The following HS6ST3 variants were observed in gnomAD, a reference collection of about 807,000 sequenced individuals.
The protein encoded by HS6ST3 is heparan-sulfate 6-O-sulfotransferase 3.
Under a neutral mutation model 36.7 loss-of-function variants are expected in HS6ST3, and 12 were observed. The observed-to-expected ratio is 0.33, with a 90% confidence interval of 0.21 to 0.53. The LOEUF (loss-of-function observed/expected upper bound fraction) is 0.53. HS6ST3 is among the 20% of genes least tolerant of loss of function. The pLI, the probability that HS6ST3 is intolerant of heterozygous loss-of-function variation, is 0.95. For synonymous variants in HS6ST3, 240 were observed against 257.5 expected (o/e 0.93, Z 0.65); for missense variants, 584 against 640.9 (o/e 0.91, Z 0.96).
At chr13:96,134,455 ATTT>A (rs1263111957) in intron 1 of HS6ST3, among the ~76,000 whole-genome samples, 1 of 144,988 alleles carries the variant, frequency 6.9e-6, no homozygotes, top group African/African-American at 2.6e-5. Flanking sequence ...TCTTTTTCTG[ATTT>A]TTATTTTTTA....
intron 1 of HS6ST3, among the ~76,000 whole-genome samples, chr13:96,476,721 T>G (rs1950848000): frequency 6.6e-6 from 1 of 152,122 alleles, no homozygotes; most frequent in Non-Finnish European, 1.5e-5. Flanking sequence ...GTTGCTTACT[T>G]GGATGAGATC....
chr13:96,529,910 G>A (rs1309389407), intron 1 of HS6ST3, among the ~76,000 whole-genome samples: 4 of 152,088 alleles, frequency 2.6e-5, no homozygotes, highest in Admixed American at 2.0e-4. Context: ...CTGGTAATAA[G>A]GCCAAGTGTG....
chr13:96,732,276 A>T (rs1310178101), intron 1 of HS6ST3, among the ~76,000 whole-genome samples: 6 of 151,846 alleles, frequency 4.0e-5, no homozygotes, highest in African/African-American at 1.5e-4. Flanking sequence ...GAGTTGTTTG[A>T]GTTGTTTATG....
At chr13:96,291,487 C>G (rs769299335) in intron 1 of HS6ST3, among the ~76,000 whole-genome samples, 9 of 152,002 alleles carry the variant, frequency 5.9e-5, no homozygotes, top group Non-Finnish European at 1.0e-4. Context: ...AATCCACGTG[C>G]TAGTGTGGAA....
intron 1 of HS6ST3, among the ~76,000 whole-genome samples, chr13:96,561,877 A>G (rs1333177046): frequency 1.3e-5 from 2 of 152,172 alleles, no homozygotes; most frequent in Non-Finnish European, 2.9e-5. Context: ...TCAAAAAATA[A>G]CAGATGCTTA....
At chr13:96,367,759 G>A (rs775123216) in intron 1 of HS6ST3, among the ~76,000 whole-genome samples, 2 of 152,170 alleles carry the variant, frequency 1.3e-5, no homozygotes, top group Non-Finnish European at 1.5e-5. Context: ...CAACAGTGGA[G>A]GAAGTAAGCA....
chr13:96,225,674 T>A (rs952925243), intron 1 of HS6ST3, among the ~76,000 whole-genome samples: 3 of 152,342 alleles, frequency 2.0e-5, no homozygotes, highest in Admixed American at 1.3e-4. Flanking sequence ...AATGATACAT[T>A]TACAAATGGA....
chr13:96,487,862 G>T (rs576789676), intron 1 of HS6ST3, among the ~76,000 whole-genome samples: 1 of 152,028 alleles, frequency 6.6e-6, no homozygotes, highest in Admixed American at 6.6e-5. Context: ...TGCATACTTG[G>T]TTTTTTGTCT....
intron 1 of HS6ST3, among the ~76,000 whole-genome samples, chr13:96,161,331 T>C (rs1728722602): frequency 6.6e-6 from 1 of 152,168 alleles, no homozygotes; most frequent in South Asian, 2.1e-4. Flanking sequence ...TAGGATCTTA[T>C]CTGGATCTTG....
At chr13:96,806,044 TTAAG>T (rs1410365244) in intron 1 of HS6ST3, among the ~76,000 whole-genome samples, 2 of 152,216 alleles carry the variant, frequency 1.3e-5, no homozygotes, top group Non-Finnish European at 2.9e-5. Context: ...AGGGTTTTTA[TTAAG>T]TATTTATGCA....
rs551938533 is a variant in HS6ST3 at position 96,658,495 on chromosome 13, A to G, written c.708-173995A>G. On this transcript the variant is annotated intron_variant, in intron 1 of 1. Coordinates refer to ENST00000376705, the MANE Select transcript of HS6ST3 (RefSeq NM_153456.4). The stretch of plus-strand genomic sequence containing the variant: ...ATGGGGTTTCACCATGTTGGTCAGG[A>G]TGGTCTCGAACTCCTGATCTCAAAT... Among the ~76,000 whole-genome samples the G allele has an allele frequency of 1.1e-4, 16 of 149,170 alleles. No homozygotes were observed. In the East Asian group the frequency reaches 2.2e-3, roughly 21 times the overall value.
chr13:96,728,747 C>T (rs1876067896), intron 1 of HS6ST3, among the ~76,000 whole-genome samples: 1 of 152,182 alleles, frequency 6.6e-6, no homozygotes, highest in Admixed American at 6.5e-5. Context: ...TGTTCTGACA[C>T]ATGAAACATA....
chr13:96,603,142 A>C (rs2056427457), intron 1 of HS6ST3, among the ~76,000 whole-genome samples: 1 of 152,152 alleles, frequency 6.6e-6, no homozygotes, highest in Admixed American at 6.5e-5. Context: ...GCATTTTCAC[A>C]ATGGGACTCT....
chr13:96,792,010 A>G (rs2138520923), intron 1 of HS6ST3, among the ~76,000 whole-genome samples: 1 of 152,232 alleles, frequency 6.6e-6, no homozygotes, highest in East Asian at 1.9e-4. Flanking sequence ...GTTCATGCAT[A>G]TATACATATA....
intron 1 of HS6ST3, among the ~76,000 whole-genome samples, chr13:96,531,407 G>A (rs564669446): frequency 6.6e-6 from 1 of 152,326 alleles, no homozygotes; most frequent in Non-Finnish European, 1.5e-5. Context: ...TTATTTCCAA[G>A]TAGTTACTGT....
At chr13:96,810,303 G>C (rs1368011809) in intron 1 of HS6ST3, among the ~76,000 whole-genome samples, 3 of 152,150 alleles carry the variant, frequency 2.0e-5, no homozygotes, top group Admixed American at 6.5e-5. Flanking sequence ...CTTTCCTTCA[G>C]AAAGGGAGGG....
At chr13:96,322,609 G>T (rs2055009881) in intron 1 of HS6ST3, among the ~76,000 whole-genome samples, 1 of 151,452 alleles carries the variant, frequency 6.6e-6, no homozygotes, top group Non-Finnish European at 1.5e-5. Context: ...AAAATAAAAT[G>T]CAATTTTTTT....
chr13:96,265,695 T>A (rs897456256), intron 1 of HS6ST3, among the ~76,000 whole-genome samples: 1 of 152,168 alleles, frequency 6.6e-6, no homozygotes, highest in African/African-American at 2.4e-5. Flanking sequence ...GACAGGACCA[T>A]GGTGACCTTC....
chr13:96,234,341 C>T (rs750705098), intron 1 of HS6ST3, among the ~76,000 whole-genome samples: 56 of 152,010 alleles, frequency 3.7e-4, no homozygotes, highest in Non-Finnish European at 6.6e-4. Context: ...ACCCAGGAGA[C>T]GGAGGCTGCA....
Sources: allele counts gnomAD v4.1 joint callset (sites outside exome capture counted in the v4.1 genomes callset), GRCh38; gene constraint gnomAD v4.1.1; transcripts MANE v1.5; gene names NCBI Gene and HGNC (gene_info 2026-07-23, HGNC 2026-07-21).